Variants in KCNH1 observed in about 807,000 individuals in gnomAD.
KCNH1 encodes the protein voltage-gated delayed rectifier potassium channel KCNH1.
KCNH1 carries 27 observed loss-of-function variants against 69.2 expected under a neutral mutation model. The observed-to-expected ratio is 0.39, with a 90% CI of 0.29 to 0.54. The LOEUF is 0.54. Ranked by LOEUF, KCNH1 falls within the 20% of genes least tolerant of loss-of-function variation. The pLI is 0.68. For synonymous variants in KCNH1, 456 were observed against 487.7 expected, an observed-to-expected ratio of 0.93 and a Z score of 0.86; for missense variants, 798 against 1,261.6, an observed-to-expected ratio of 0.63 and a Z score of 5.57.
intron 6 of KCNH1, among the ~76,000 whole-genome samples, chr1:211,012,211 C>A: frequency 6.6e-6 from 1 of 152,166 alleles, no homozygotes; most frequent in Admixed American, 6.5e-5. Context: ...GTCCATTTTA[C>A]TATCAGACAT....
intron 6 of KCNH1, 21 bp from the exon 7 acceptor site, chr1:210,920,090 C>A: frequency 6.2e-7 from 1 of 1,603,670 alleles, no homozygotes; most frequent in Non-Finnish European, 8.5e-7. Context: ...AGGAACACAG[C>A]GTCAGGGCCA....
chr1:210,875,177 A>G (rs1362608202), intron 7 of KCNH1, among the ~76,000 whole-genome samples: 1 of 152,238 alleles, frequency 6.6e-6, no homozygotes, highest in Non-Finnish European at 1.5e-5. Flanking sequence ...ATAAACCAAG[A>G]TTTAAAAAGC....
intron 1 of KCNH1, among the ~76,000 whole-genome samples, chr1:211,127,054 T>C (rs1691789433): frequency 6.6e-6 from 1 of 152,176 alleles, no homozygotes; most frequent in Non-Finnish European, 1.5e-5. Context: ...CTTAAATCTT[T>C]GGAGAGGTTT....
In KCNH1 at chr1:211,028,142, C is replaced by T. The variant is rs952713583; in HGVS notation, c.559-8886G>A. ...TAAAATCACCAGAGTGTATTCTCAGCTACAATGGAATCACACTAGAAACCA... is the reference window on the plus strand; with the variant it reads ...TAAAATCACCAGAGTGTATTCTCAGTTACAATGGAATCACACTAGAAACCA... On this transcript the variant is annotated intron_variant, in intron 5 of 10. Coordinates refer to ENST00000271751, the MANE Select transcript of KCNH1 (RefSeq NM_172362.3). 2.0e-5 allele frequency among the ~76,000 whole-genome samples: 3 copies of T among 152,000 alleles called. No homozygotes were observed. In the East Asian group the frequency reaches 5.8e-4, roughly 29 times the overall value.
At chr1:210,754,358 C>CA (rs969305833) in intron 10 of KCNH1, among the ~76,000 whole-genome samples, 11 of 150,668 alleles carry the variant, frequency 7.3e-5, no homozygotes, top group Non-Finnish European at 1.2e-4. Flanking sequence ...GTGGATTATC[C>CA]AGCCTTCTTC....
intron 6 of KCNH1, among the ~76,000 whole-genome samples, chr1:210,989,742 T>A (rs1039481213): frequency 6.6e-6 from 1 of 152,206 alleles, no homozygotes; most frequent in Non-Finnish European, 1.5e-5. Context: ...AATCTATAGG[T>A]ATCGAGATAC....
intron 5 of KCNH1, among the ~76,000 whole-genome samples, chr1:211,060,444 C>G (rs746572994): frequency 1.6e-4 from 21 of 131,394 alleles, no homozygotes; most frequent in Non-Finnish European, 3.4e-4. Flanking sequence ...AAAGCAAGAG[C>G]AAACCAAGCC....
At chr1:210,888,033 G>A (rs1290889476) in intron 7 of KCNH1, among the ~76,000 whole-genome samples, 2 of 152,076 alleles carry the variant, frequency 1.3e-5, no homozygotes, top group South Asian at 2.1e-4. Context: ...TTCAGGACGC[G>A]AACTCAGCTC....
intron 10 of KCNH1, among the ~76,000 whole-genome samples, chr1:210,748,846 C>T (rs1395130721): frequency 6.6e-6 from 1 of 152,218 alleles, no homozygotes. Context: ...CCAGGCTTCC[C>T]ACTCCCCAGA....
chr1:210,710,798 T>C (rs2149017073), intron 10 of KCNH1, among the ~76,000 whole-genome samples: 1 of 148,374 alleles, frequency 6.7e-6, no homozygotes, highest in South Asian at 2.1e-4. Flanking sequence ...AAATAGTGAA[T>C]TCAACAGTCG....
intron 6 of KCNH1, among the ~76,000 whole-genome samples, chr1:210,985,347 C>T (rs1235117866): frequency 3.9e-5 from 6 of 152,220 alleles, no homozygotes; most frequent in Non-Finnish European, 8.8e-5. Flanking sequence ...TTTGCTCTTG[C>T]TTTTCTAGTT....
At chr1:211,105,056 A>G (rs796423856) in intron 2 of KCNH1, among the ~76,000 whole-genome samples, 51 of 152,272 alleles carry the variant, frequency 3.3e-4, no homozygotes, top group African/African-American at 1.2e-3. Context: ...CACAGTTGTT[A>G]TCTTATGTCC....
intron 5 of KCNH1, among the ~76,000 whole-genome samples, chr1:211,037,190 T>C (rs1273230098): frequency 1.3e-5 from 2 of 152,080 alleles, no homozygotes; most frequent in Non-Finnish European, 2.9e-5. Flanking sequence ...GGCTTTGTAA[T>C]AATGGAGGTG....
rs568698505 is a variant in KCNH1 at position 211,099,907 on chromosome 1, T to C, written c.310+3589A>G. Among the ~76,000 whole-genome samples, 4 of 152,242 alleles carry C rather than the reference T, an allele frequency of 2.6e-5. No individual in the cohort carries two copies. In the East Asian group the frequency reaches 7.8e-4, roughly 30 times the overall value. The stretch of plus-strand genomic sequence containing the variant: ...CCATAGCCCCCTGGACACCTGTCAG[T>C]TTGAATGCCTCTTCCCCTGACCAGG... On this transcript the variant is annotated intron_variant, in intron 3 of 10. Coordinates refer to ENST00000271751, the MANE Select transcript of KCNH1 (RefSeq NM_172362.3).
chr1:211,056,332 G>A (rs1690304172), intron 5 of KCNH1, among the ~76,000 whole-genome samples: 3 of 152,140 alleles, frequency 2.0e-5, no homozygotes. Context: ...AGAGTGGGAA[G>A]GACTTTGTCT....
At chr1:211,075,420 T>C (rs910743113) in intron 5 of KCNH1, among the ~76,000 whole-genome samples, 2 of 152,216 alleles carry the variant, frequency 1.3e-5, no homozygotes, top group African/African-American at 4.8e-5. Context: ...ACTAGAGGTA[T>C]GGAACTCTGG....
intron 10 of KCNH1, among the ~76,000 whole-genome samples, chr1:210,689,469 A>G (rs1295212342): frequency 1.3e-5 from 2 of 152,214 alleles, no homozygotes; most frequent in Non-Finnish European, 2.9e-5. Context: ...TGGGGAGGGC[A>G]CCCAAGTGGG....
chr1:210,759,863 C>T (rs1397190994), intron 10 of KCNH1, among the ~76,000 whole-genome samples: 1 of 152,098 alleles, frequency 6.6e-6, no homozygotes, highest in Non-Finnish European at 1.5e-5. Context: ...CAGGGGCTCC[C>T]AACCCCTGGA....
At chr1:211,039,905 C>T (rs537708224) in intron 5 of KCNH1, among the ~76,000 whole-genome samples, 13 of 151,946 alleles carry the variant, frequency 8.6e-5, no homozygotes, top group South Asian at 4.2e-4. Flanking sequence ...GTTAAGACTT[C>T]AGGGCTGGGT....
Sources: gnomAD v4.1 joint callset for allele counts (sites outside exome capture counted in the v4.1 genomes callset) on GRCh38, gnomAD v4.1.1 for gene constraint, MANE v1.5 for transcripts, NCBI Gene and HGNC (gene_info 2026-07-23, HGNC 2026-07-21) for gene names.